Variants in PAQR5 observed in about 807,000 individuals in gnomAD.
The protein encoded by PAQR5 is progestin and adipoQ receptor family member 5, also known as membrane progestin receptor gamma.
PAQR5 carries 20 observed loss-of-function variants against 34.5 expected under a neutral mutation model. That is an observed-to-expected ratio of 0.58 (90% CI 0.41 to 0.84). The LOEUF (loss-of-function observed/expected upper bound fraction) is 0.84. Ranked by LOEUF, PAQR5 falls within the 40% of genes least tolerant of loss-of-function variation. The pLI is 0.00. For synonymous variants in PAQR5, 131 were observed against 155.6 expected (o/e 0.84, Z 1.18); for missense variants, 378 against 412.7 (o/e 0.92, Z 0.73).
chr15:69,322,832 A>AGAAGAAGAAGAAGAAGAAGAAGAAGAG (rs1297952069), intron 1 of PAQR5, among the ~76,000 whole-genome samples: 819 of 78,520 alleles, frequency 0.01, 212 homozygotes, highest in Middle Eastern at 0.045. Flanking sequence ...AAGAAGAAGA[A>AGAAGAAGAAGAAGAAGAAGAAGAAGAG]GAAGAGGAAG....
intron 3 of PAQR5, among the ~76,000 whole-genome samples, chr15:69,369,274 G>A (rs560171885): frequency 2.6e-5 from 4 of 152,248 alleles, no homozygotes; most frequent in East Asian, 1.9e-4. Flanking sequence ...GGTGGCTCAC[G>A]CCTGTAATCC....
At chr15:69,336,135 T>C (rs934014008) in intron 1 of PAQR5, among the ~76,000 whole-genome samples, 1 of 152,200 alleles carries the variant, frequency 6.6e-6, no homozygotes, top group Non-Finnish European at 1.5e-5. Flanking sequence ...GTAAAGGCTT[T>C]CTTTTTTAAA....
At chr15:69,352,308 A>G (rs540283659) in intron 2 of PAQR5, among the ~76,000 whole-genome samples, 44 of 152,302 alleles carry the variant, frequency 2.9e-4, no homozygotes, top group African/African-American at 9.9e-4. Context: ...AATTTACCAC[A>G]TGACCTGAGC....
chr15:69,335,542 GTTTTTTT>G (rs56712868), intron 1 of PAQR5, among the ~76,000 whole-genome samples: 1 of 61,104 alleles, frequency 1.6e-5, no homozygotes, highest in Non-Finnish European at 2.9e-5. Flanking sequence ...ACCGCATCCA[GTTTTTTT>G]TTTTTTTTTT....
chr15:69,361,961 G>C (rs149590299), intron 3 of PAQR5, among the ~76,000 whole-genome samples: 2 of 151,302 alleles, frequency 1.3e-5, no homozygotes, highest in Non-Finnish European at 2.9e-5. Flanking sequence ...TGGTGATGGT[G>C]GGGGGACTGG....
At chr15:69,332,447 G>T (rs564260080) in intron 1 of PAQR5, among the ~76,000 whole-genome samples, 1 of 152,196 alleles carries the variant, frequency 6.6e-6, no homozygotes, top group South Asian at 2.1e-4. Context: ...CAGGAATTTT[G>T]GGGTTCATGT....
At chr15:69,398,463 A>G (rs1269709016) in intron 7 of PAQR5, among the ~76,000 whole-genome samples, 1 of 152,162 alleles carries the variant, frequency 6.6e-6, no homozygotes, top group Non-Finnish European at 1.5e-5. Flanking sequence ...TGTAGGGGAA[A>G]ACAATGGATC....
chr15:69,323,097 TA>T (rs1381554545), intron 1 of PAQR5, among the ~76,000 whole-genome samples: 1 of 152,112 alleles, frequency 6.6e-6, no homozygotes, highest in African/African-American at 2.4e-5. Context: ...TGTTTGAACA[TA>T]AAGTGTGGAA....
intron 1 of PAQR5, among the ~76,000 whole-genome samples, chr15:69,324,138 A>AG (rs1555413960): frequency 9.9e-5 from 15 of 151,484 alleles, no homozygotes; most frequent in Admixed American, 2.0e-4. Context: ...GCAAAAAAAA[A>AG]AAAAAAGAAA....
intron 2 of PAQR5, among the ~76,000 whole-genome samples, chr15:69,344,709 G>A (rs539981924): frequency 6.6e-6 from 1 of 152,346 alleles, no homozygotes; most frequent in East Asian, 1.9e-4. Context: ...GGCGGTAAGA[G>A]TATTTTTCAA....
At chr15:69,315,548 A>C (rs1009117201) in intron 1 of PAQR5, among the ~76,000 whole-genome samples, 10 of 152,036 alleles carry the variant, frequency 6.6e-5, no homozygotes, top group African/African-American at 2.4e-4. Context: ...CTTCTTACCC[A>C]GCCTTACCTT....
At position 69,300,646 on chromosome 15, in the gene PAQR5, TTTCTTTTCTTTCTTTCTTTCA is replaced by T. The variant is rs1458503456; in HGVS notation, c.-277+1597_-277+1617del. ...CTTTCTTTCTTTCTTTCTTTCTTTC[TTTCTTTTCTTTCTTTCTTTCA>T]TTCTTTCTCTTCCTTCCTCCCTCCC... On this transcript the variant is annotated intron_variant, in intron 1 of 8. Coordinates refer to ENST00000395407, the MANE Select transcript of PAQR5 (RefSeq NM_017705.4). Among the ~76,000 whole-genome samples, 64 of 33,824 alleles carry T rather than the reference TTTCTTTTCTTTCTTTCTTTCA, an allele frequency of 1.9e-3. 5 individuals are homozygous for T. Among genetic ancestry groups the T allele is most frequent in the South Asian group, 2.3e-3 (2 of 872 alleles). 22.2% of individuals were successfully genotyped at this position (33,824 alleles called of 152,430 possible).
intron 2 of PAQR5, among the ~76,000 whole-genome samples, chr15:69,354,004 T>C (rs2054993155): frequency 6.6e-6 from 1 of 151,912 alleles, no homozygotes; most frequent in African/African-American, 2.4e-5. Context: ...ACAACGGGAG[T>C]GAGGAAGAGT....
chr15:69,301,385 T>A (rs1220590786), intron 1 of PAQR5, among the ~76,000 whole-genome samples: 1 of 152,190 alleles, frequency 6.6e-6, no homozygotes, highest in African/African-American at 2.4e-5. Flanking sequence ...GTGGGTTCCA[T>A]GCCAAGCTTG....
Position 69,403,765 on chromosome 15 carries a change from T to C in PAQR5, c.936T>C (p.Tyr312=), listed in dbSNP as rs2056706896. 1.2e-6 allele frequency: 2 copies of C among 1,614,074 alleles called. No individual in the cohort carries two copies. Among genetic ancestry groups the C allele is most frequent in the African/African-American group, 2.7e-5 (2 of 75,042 alleles). ...TCTTCAGCCTCAGCAACATAATTTA[T>C]TTCTCAGCTGCTCTGTATCGGATTC... ...CIIFSLSNII[Y]FSAALYRIPK... The change falls in exon 9 of 9, where the codon TAT becomes TAC. Residue 312 remains tyrosine, a synonymous_variant. Coordinates refer to ENST00000395407, the MANE Select transcript of PAQR5 (RefSeq NM_017705.4).
At position 69,404,377 on chromosome 15, in the gene PAQR5, C is replaced by G. The variant is rs947815176; in HGVS notation, c.*555C>G. 5.9e-5 allele frequency: 9 copies of G among 153,034 alleles called. No individual in the cohort carries two copies. Among genetic ancestry groups the G allele is most frequent in the African/African-American group, 2.2e-4 (9 of 41,426 alleles). The allele number at this position is 153,034 out of a possible 1,614,324, so 9.5% of individuals were successfully genotyped here. A position where few individuals can be genotyped will look rare whatever the true frequency, so the allele number is the denominator to read the frequency against. ...GGGAGAGCCCTTCTTCCCTTCTCCA[C>G]CTAGTGAAGGGAGAACAGAAGGGGA... On this transcript the variant is annotated 3_prime_UTR_variant, in exon 9 of 9. Coordinates refer to ENST00000395407, the MANE Select transcript of PAQR5 (RefSeq NM_017705.4).
intron 4 of PAQR5, among the ~76,000 whole-genome samples, chr15:69,381,183 C>CT (rs2055875410): frequency 6.6e-6 from 1 of 152,192 alleles, no homozygotes; most frequent in African/African-American, 2.4e-5. Flanking sequence ...AATTATAACC[C>CT]TTCAGAAGGG....
At chr15:69,400,590 G>A (rs775679827) in intron 8 of PAQR5, among the ~76,000 whole-genome samples, 5 of 152,124 alleles carry the variant, frequency 3.3e-5, no homozygotes, top group African/African-American at 4.8e-5. Context: ...TACTTGGGAG[G>A]CGTTGGTTTG....
intron 4 of PAQR5, 83 bp from the exon 5 acceptor site, chr15:69,384,594 A>G (rs548640252): frequency 1.4e-6 from 1 of 729,754 alleles, no homozygotes; most frequent in Non-Finnish European, 2.5e-6. Flanking sequence ...GTGGAAGGTG[A>G]GCGGGTCCTC....
Sources: gnomAD v4.1 joint callset for allele counts (sites outside exome capture counted in the v4.1 genomes callset) on GRCh38, gnomAD v4.1.1 for gene constraint, MANE v1.5 for transcripts, NCBI Gene and HGNC (gene_info 2026-07-23, HGNC 2026-07-21) for gene names.